The following MRPL43 variants were observed in gnomAD, a reference collection of about 807,000 sequenced individuals.
MRPL43 encodes the protein mitochondrial ribosomal protein L43.
In MRPL43, 9 loss-of-function variants were observed where a neutral mutation model predicts 12.7. The observed-to-expected ratio is 0.71, with a 90% CI of 0.43 to 1.24. The LOEUF (loss-of-function observed/expected upper bound fraction) is 1.24, where lower values mean the gene tolerates loss of function less well. Among genes scored for constraint, MRPL43 ranks in the 50% most tolerant of loss-of-function variants. The probability of loss-of-function intolerance (pLI) is 0.00; values close to 1 mark genes in which losing one functional copy is unlikely to be tolerated. For synonymous variants in MRPL43, 116 were observed against 96.4 expected (o/e 1.20, Z -1.19); for missense variants, 211 against 229.2 (o/e 0.92, Z 0.51).
chr10:100,978,342 G>A (rs758114685), downstream of MRPL43: 2 of 1,613,782 alleles, frequency 1.2e-6, no homozygotes, highest in South Asian at 2.2e-5. Context: ...AGGGGAAGGA[G>A]AAGTGTCCTT....
downstream of MRPL43, chr10:100,983,558 C>G (rs977211113): frequency 2.5e-6 from 4 of 1,613,874 alleles, no homozygotes; most frequent in Non-Finnish European, 3.4e-6. Context: ...CCTATAGTCT[C>G]ACAGTCCGGC....
chr10:100,986,140 C>G (rs1175104413), downstream of MRPL43: 6 of 269,066 alleles, frequency 2.2e-5, no homozygotes, highest in Admixed American at 1.1e-4. Context: ...TTTCAGGGGT[C>G]AGGCCTAGAT....
chr10:100,981,143 C>G (rs1305489737), downstream of MRPL43: 1 of 1,613,890 alleles, frequency 6.2e-7, no homozygotes, highest in African/African-American at 1.3e-5. Context: ...TCCCCTTGTT[C>G]ATAAAACCTG....
chr10:100,977,864 C>T, downstream of MRPL43: 1 of 734,552 alleles, frequency 1.4e-6, no homozygotes, highest in East Asian at 2.7e-5. Flanking sequence ...ATACAGGGCA[C>T]TCCAGTGGCG....
At chr10:100,984,236 T>A (rs1014839064), downstream of MRPL43, 3 of 1,462,694 alleles carry the variant, frequency 2.1e-6, no homozygotes, top group African/African-American at 4.3e-5. Context: ...CCCCACTCCA[T>A]ACCCTTCTCC....
At chr10:100,985,510 T>C (rs1851405873), downstream of MRPL43, 1 of 152,654 alleles carries the variant, frequency 6.6e-6, no homozygotes, top group African/African-American at 2.4e-5. Flanking sequence ...TCTTTAGGAA[T>C]GCCCCCACTT....
chr10:100,985,098 T>A (rs1447292211), downstream of MRPL43: 2 of 542,158 alleles, frequency 3.7e-6, no homozygotes, highest in Non-Finnish European at 6.3e-6. Flanking sequence ...CTAGGATGGA[T>A]GACCAACACT....
chr10:100,980,116 C>T (rs373152224), downstream of MRPL43: 22 of 1,614,008 alleles, frequency 1.4e-5, no homozygotes, highest in Middle Eastern at 1.6e-4. Flanking sequence ...TCGTCCCCCA[C>T]GCCAGTGTAT....
chr10:100,979,826 C>G, downstream of MRPL43: 2 of 1,611,786 alleles, frequency 1.2e-6, no homozygotes, highest in Non-Finnish European at 1.7e-6. Context: ...ACTCACCCCC[C>G]TTGCCCTATG....
chr10:100,980,865 C>T (rs755967370), downstream of MRPL43: 6 of 1,605,900 alleles, frequency 3.7e-6, no homozygotes, highest in Non-Finnish European at 4.2e-6. Flanking sequence ...ATCCAGCTAC[C>T]ACTCTCCAGC....
chr10:100,979,932 G>C (rs1850980546), downstream of MRPL43: 1 of 1,614,016 alleles, frequency 6.2e-7, no homozygotes, highest in African/African-American at 1.3e-5. Flanking sequence ...TGGAATACCA[G>C]GATGGTTCCC....
chr10:100,981,373 GAGTAAGTGCTCAACAA>G, downstream of MRPL43: 1 of 1,608,404 alleles, frequency 6.2e-7, no homozygotes, highest in South Asian at 1.1e-5. Context: ...GCCTGGCACA[GAGTAAGTGCTCAACAA>G]ACATTTACTG....
downstream of MRPL43, chr10:100,981,573 A>G (rs780682772): frequency 3.7e-6 from 6 of 1,612,730 alleles, no homozygotes; most frequent in Non-Finnish European, 4.2e-6. Flanking sequence ...TAATCATCAC[A>G]GCTAAGATGT....
intron 1 of MRPL43, 34 bp downstream of exon 1, chr10:100,987,279 C>T: frequency 6.2e-7 from 1 of 1,611,868 alleles, no homozygotes; most frequent in African/African-American, 1.3e-5. Context: ...CCACACCCAC[C>T]CCGACCCGCG....
downstream of MRPL43, chr10:100,984,235 A>C: frequency 6.8e-7 from 1 of 1,463,818 alleles, no homozygotes; most frequent in Non-Finnish European, 9.0e-7. Context: ...CCCCCACTCC[A>C]TACCCTTCTC....
At chr10:100,984,836 CTG>C, downstream of MRPL43, 1 of 1,512,966 alleles carries the variant, frequency 6.6e-7, no homozygotes, top group Non-Finnish European at 8.8e-7. Context: ...CTCTCCCTTC[CTG>C]TGTGGCCCTT....
At chr10:100,980,512 C>A, downstream of MRPL43, 2 of 1,452,360 alleles carry the variant, frequency 1.4e-6, no homozygotes, top group South Asian at 1.2e-5. Context: ...TCGTATTAGG[C>A]CTCTTGCAGG....
chr10:100,979,632 C>T (rs1473528289), downstream of MRPL43, among the ~76,000 whole-genome samples: 1 of 152,116 alleles, frequency 6.6e-6, no homozygotes, highest in Non-Finnish European at 1.5e-5. Flanking sequence ...CTGCTCGCCT[C>T]GGCCTCTCAA....
At chr10:100,981,616 T>A, downstream of MRPL43, 1 of 1,546,318 alleles carries the variant, frequency 6.5e-7, no homozygotes, top group Non-Finnish European at 8.9e-7. Flanking sequence ...GACACTGATC[T>A]AAATACTTCT....
Sources: gnomAD v4.1 joint callset for allele counts (sites outside exome capture counted in the v4.1 genomes callset) on GRCh38, gnomAD v4.1.1 for gene constraint, MANE v1.5 for transcripts, NCBI Gene and HGNC (gene_info 2026-07-23, HGNC 2026-07-21) for gene names.